Variants in GALNT16 observed in about 807,000 individuals in gnomAD.
GALNT16 encodes the protein UDP-GalNAc:polypeptide N-acetylgalactosaminyltransferase-like protein 1.
Under a neutral mutation model 76.1 loss-of-function variants are expected in GALNT16, and 40 were observed. That is an observed-to-expected ratio of 0.53 (90% confidence interval 0.41 to 0.68). The LOEUF is 0.68. Ranked by LOEUF, GALNT16 falls within the 30% of genes least tolerant of loss-of-function variation. GALNT16 has a pLI of 0.00. For synonymous variants in GALNT16, 276 were observed against 285.2 expected (o/e 0.97, Z 0.32); for missense variants, 621 against 731.9 (o/e 0.85, Z 1.75).
At chr14:69,284,730 C>A (rs1454556574) in intron 1 of GALNT16, among the ~76,000 whole-genome samples, 1 of 152,108 alleles carries the variant, frequency 6.6e-6, no homozygotes, top group African/African-American at 2.4e-5. Flanking sequence ...GTGTCCCCAC[C>A]CAAATCTCAT....
chr14:69,313,623 T>C (rs1465941371), intron 1 of GALNT16, among the ~76,000 whole-genome samples: 1 of 152,254 alleles, frequency 6.6e-6, no homozygotes, highest in Non-Finnish European at 1.5e-5. Context: ...TGTGCAGTCA[T>C]CAGTACCCCT....
At chr14:69,324,896 G>A in intron 3 of GALNT16, 106 bp downstream of exon 3, 1 of 664,708 alleles carries the variant, frequency 1.5e-6, no homozygotes, top group Non-Finnish European at 2.5e-6. Flanking sequence ...GCTGGAGGCT[G>A]AGTCCTGTAC....
intron 9 of GALNT16, among the ~76,000 whole-genome samples, chr14:69,335,604 G>T (rs571357238): frequency 3.3e-5 from 5 of 152,318 alleles, no homozygotes; most frequent in Non-Finnish European, 7.4e-5. Context: ...TGAGGCAAGG[G>T]CTCCGTGGTT....
At chr14:69,297,820 G>A (rs975624768) in intron 1 of GALNT16, among the ~76,000 whole-genome samples, 7 of 152,008 alleles carry the variant, frequency 4.6e-5, no homozygotes, top group South Asian at 2.1e-4. Flanking sequence ...CATAATCGTC[G>A]GTGATGATAA....
At chr14:69,309,319 T>G (rs1202922662) in intron 1 of GALNT16, among the ~76,000 whole-genome samples, 28 of 151,636 alleles carry the variant, frequency 1.8e-4, no homozygotes, top group Admixed American at 1.8e-3. Flanking sequence ...TTTTTTTTAT[T>G]TGAGACAGGG....
chr14:69,321,590 C>G (rs1282823816), intron 2 of GALNT16, among the ~76,000 whole-genome samples: 1 of 152,182 alleles, frequency 6.6e-6, no homozygotes, highest in Non-Finnish European at 1.5e-5. Context: ...CCTTACCCAC[C>G]TTTCCCCCAG....
chr14:69,323,638 G>C (rs186988111), intron 2 of GALNT16, among the ~76,000 whole-genome samples: 1 of 152,132 alleles, frequency 6.6e-6, no homozygotes, highest in Non-Finnish European at 1.5e-5. Flanking sequence ...TTTCTCAAGG[G>C]GTAGAAGGCA....
rs901079375 is a variant in GALNT16 at position 69,320,758 on chromosome 14, G to A, written c.225G>A (p.Ser75=). Residue 75 remains serine, a synonymous_variant, in exon 2 of 15, where the codon TCG becomes TCA. Transcript: ENST00000448469. ...GCTTTGATGAGAAGGCCTACCTGTC[G>A]GCCAAGCAGCTGAAGGCTGGAGAGG... ...SKGFDEKAYL[S]AKQLKAGEDP... The A allele has an allele frequency of 3.7e-6, 6 of 1,614,122 alleles. No homozygotes were observed. The East Asian group carries it at 8.9e-5, about 24-fold the overall frequency.
intron 1 of GALNT16, among the ~76,000 whole-genome samples, chr14:69,300,557 T>G (rs943955718): frequency 6.6e-6 from 1 of 152,208 alleles, no homozygotes; most frequent in African/African-American, 2.4e-5. Flanking sequence ...AGGAATGGTT[T>G]TAAATATTGA....
chr14:69,339,274 C>T (rs1458186568), intron 10 of GALNT16, among the ~76,000 whole-genome samples: 1 of 152,126 alleles, frequency 6.6e-6, no homozygotes, highest in Admixed American at 6.5e-5. Context: ...GATGGTTCTT[C>T]ACCTTGTCGA....
At position 69,346,899 on chromosome 14, in the gene GALNT16, C is replaced by T. The variant is rs769601515; in HGVS notation, c.1272-141C>T. On this transcript the variant is annotated intron_variant, in intron 12 of 14. Transcript: ENST00000448469. ...AGGCCACTCCTGCTCCTCACCTCCCCCTGCTGGCCAGGCTGCTCCCGGGCC... is the reference window on the plus strand; with the variant it reads ...AGGCCACTCCTGCTCCTCACCTCCCTCTGCTGGCCAGGCTGCTCCCGGGCC... 448 of 925,564 alleles carry T rather than the reference C, an allele frequency of 4.8e-4. 2 individuals are homozygous for T. The highest frequency in any genetic ancestry group is 2.4e-3 in the Middle Eastern group (9 of 3,724). The allele number at this position is 925,564 out of a possible 1,614,324, so 57.3% of individuals were successfully genotyped here.
At chr14:69,287,652 A>G (rs914534436) in intron 1 of GALNT16, among the ~76,000 whole-genome samples, 2 of 152,190 alleles carry the variant, frequency 1.3e-5, no homozygotes, top group African/African-American at 4.8e-5. Context: ...AATCAAGTCC[A>G]ACCTCCAGAG....
intron 1 of GALNT16, among the ~76,000 whole-genome samples, chr14:69,313,104 C>T (rs2140153775): frequency 1.3e-5 from 2 of 152,322 alleles, no homozygotes; most frequent in Admixed American, 1.3e-4. Flanking sequence ...CTTGGCATAG[C>T]ACCCAGTGCA....
At chr14:69,338,106 C>T (rs2045435786) in intron 9 of GALNT16, among the ~76,000 whole-genome samples, 1 of 152,178 alleles carries the variant, frequency 6.6e-6, no homozygotes, top group Non-Finnish European at 1.5e-5. Flanking sequence ...TTCAGCTCCA[C>T]CACCGCTGTC....
In GALNT16 at chr14:69,325,347, C is replaced by T. The variant is rs145607978; in HGVS notation, c.445C>T (p.Arg149Ter). 1.3e-5 allele frequency: 20 copies of T among 1,595,032 alleles called. No individual in the cohort carries two copies. Among genetic ancestry groups the T allele is most frequent in the African/African-American group, 4.0e-5 (3 of 74,506 alleles). The change falls in exon 4 of 15, where the codon CGA becomes TGA. Residue 149 changes from arginine (R) to a stop codon, truncating the protein, a stop_gained. Coordinates refer to ENST00000448469, the MANE Select transcript of GALNT16 (RefSeq NM_001168368.2). LOFTEE classifies it high-confidence loss of function. ...LLRTVKSVLNRTPANLIQEII... is the reference protein window; with the variant it reads ...LLRTVKSVLN Reference sequence around the variant, plus strand: ...CCACTGCTACTGTAGTGTCCTGAACCGAACTCCTGCCAACTTGATCCAGGA... The same window carrying T: ...CCACTGCTACTGTAGTGTCCTGAACTGAACTCCTGCCAACTTGATCCAGGA...
At chr14:69,307,981 A>T (rs2044962113) in intron 1 of GALNT16, among the ~76,000 whole-genome samples, 1 of 152,094 alleles carries the variant, frequency 6.6e-6, no homozygotes, top group South Asian at 2.1e-4. Context: ...CATCACACGA[A>T]TGATGAATTC....
At chr14:69,297,739 A>G (rs1014030121) in intron 1 of GALNT16, among the ~76,000 whole-genome samples, 7 of 150,106 alleles carry the variant, frequency 4.7e-5, no homozygotes, top group African/African-American at 1.7e-4. Context: ...TCACATGCTG[A>G]GGTTTCTTTT....
chr14:69,283,725 A>G (rs111712516), intron 1 of GALNT16, among the ~76,000 whole-genome samples: 42 of 152,286 alleles, frequency 2.8e-4, no homozygotes, highest in African/African-American at 7.0e-4. Flanking sequence ...AGAAGATTTG[A>G]TTATTTACTC....
Position 69,325,337 on chromosome 14 carries a change from T to A in GALNT16, c.435T>A (p.Ser145Arg), listed in dbSNP as rs760619333. 2 of 1,579,452 alleles carry A rather than the reference T, an allele frequency of 1.3e-6. No homozygotes were observed. The highest frequency in any genetic ancestry group is 1.7e-6 in the Non-Finnish European group (2 of 1,148,380). Residue 145 changes from serine to arginine, a missense_variant and splice_region_variant, in exon 4 of 15, where the codon AGT becomes AGA. Coordinates refer to ENST00000448469, the MANE Select transcript of GALNT16 (RefSeq NM_001168368.2). Reference protein sequence around the residue: ...ARSTLLRTVKSVLNRTPANLI... With the variant: ...ARSTLLRTVKRVLNRTPANLI... ...TTCTCTGTTTCCACTGCTACTGTAG[T>A]GTCCTGAACCGAACTCCTGCCAACT...
Sources: gnomAD v4.1 joint callset for allele counts (sites outside exome capture counted in the v4.1 genomes callset) on GRCh38, gnomAD v4.1.1 for gene constraint, MANE v1.5 for transcripts, NCBI Gene and HGNC (gene_info 2026-07-23, HGNC 2026-07-21) for gene names.